The following ZGRF1 variants were observed in gnomAD, a reference collection of about 807,000 sequenced individuals.
The protein encoded by ZGRF1 is 5'-3' DNA helicase ZGRF1.
A neutral mutation model predicts 203.5 loss-of-function variants in ZGRF1; 196 were observed. That is an observed-to-expected ratio of 0.96 (90% confidence interval 0.86 to 1.08). The LOEUF (loss-of-function observed/expected upper bound fraction) is 1.08, where lower values mean the gene tolerates loss of function less well. Among genes scored for constraint, ZGRF1 ranks in the 50% least tolerant of loss-of-function variants. ZGRF1 has a pLI of 0.00. For missense variants in ZGRF1, 2,326 were observed against 2,416.3 expected (o/e 0.96, Z 0.78); for synonymous variants, 809 against 841.3 (o/e 0.96, Z 0.66).
At chr4:112,634,591 C>T (rs955628228) in intron 1 of ZGRF1, among the ~76,000 whole-genome samples, 15 of 151,570 alleles carry the variant, frequency 9.9e-5, no homozygotes, top group African/African-American at 3.6e-4. Context: ...GCAGAGGCTG[C>T]AGTGAGCCGA....
rs1741840823 is a variant in ZGRF1, at chr4:112,560,900, CTG to C, written c.4791_4792del (p.Ser1598ProfsTer9). The C allele has an allele frequency of 6.2e-7, 1 of 1,613,542 alleles. No homozygotes were observed. Among genetic ancestry groups the C allele is most frequent in the East Asian group, 2.2e-5 (1 of 44,824 alleles). On this transcript the variant is annotated frameshift_variant, in exon 19 of 28. Transcript: ENST00000505019. LOFTEE classifies it high-confidence loss of function. Reference sequence around the variant, plus strand: ...AGCTAACTTCAATGTTGCTCCTAGGCTGAGTAGTTCAAATTTTGTACTGACAT... The same window carrying C: ...AGCTAACTTCAATGTTGCTCCTAGGCAGTAGTTCAAATTTTGTACTGACAT...
At chr4:112,548,219 G>T in intron 23 of ZGRF1, 34 bp downstream of exon 23, 4 of 1,549,366 alleles carry the variant, frequency 2.6e-6, no homozygotes, top group Non-Finnish European at 3.5e-6. Context: ...AGGATTACAG[G>T]TATTACCCCT....
chr4:112,590,396 T>C (rs1175588515), intron 10 of ZGRF1, among the ~76,000 whole-genome samples: 6 of 152,218 alleles, frequency 3.9e-5, no homozygotes, highest in Admixed American at 3.3e-4. Context: ...CTGCTGCTTC[T>C]TCCAGAAATT....
chr4:112,554,256 T>A (rs557094164), intron 21 of ZGRF1, among the ~76,000 whole-genome samples: 1 of 134,856 alleles, frequency 7.4e-6, no homozygotes, highest in Admixed American at 8.8e-5. Context: ...CCTGTGTCCA[T>A]GTGTTCTCAT....
intron 16 of ZGRF1, among the ~76,000 whole-genome samples, 175 bp downstream of exon 16, chr4:112,581,486 AAT>A (rs1203831839): frequency 6.6e-6 from 1 of 151,352 alleles, no homozygotes; most frequent in East Asian, 1.9e-4. Context: ...ATATCTTAAA[AAT>A]ATGTTTTTTA....
Position 112,548,363 on chromosome 4 carries a change from A to G in ZGRF1, c.5364T>C (p.Val1788=). The G allele has an allele frequency of 6.4e-7, 1 of 1,554,414 alleles. No individual in the cohort carries two copies. Among genetic ancestry groups the G allele is most frequent in the South Asian group, 1.2e-5 (1 of 84,008 alleles). The part of the protein sequence containing the change: ...TLLKQVRVVG[V]TCAACPFPCM... The stretch of plus-strand genomic sequence containing the variant: ...ATGGGAATGGGCAGGCTGCACAGGT[A>G]ACTCCAACTACTCGAACCTTTATTA... The change falls in exon 23 of 28, where the codon GTT becomes GTC. Residue 1788 remains valine, a synonymous_variant. Transcript: ENST00000505019.
intron 21 of ZGRF1, 76 bp downstream of exon 21, chr4:112,554,629 C>A (rs1315855208): frequency 5.6e-6 from 4 of 714,422 alleles, no homozygotes. Context: ...AAAAATCAAA[C>A]TTAAGGTAAG....
intron 10 of ZGRF1, among the ~76,000 whole-genome samples, chr4:112,602,849 A>T (rs576803242): frequency 1.3e-5 from 2 of 152,226 alleles, no homozygotes; most frequent in African/African-American, 4.8e-5. Context: ...ATAGATGGTT[A>T]TAAGTCAAGA....
chr4:112,574,005 G>T (rs1439718936), intron 16 of ZGRF1, among the ~76,000 whole-genome samples: 2 of 152,160 alleles, frequency 1.3e-5, no homozygotes, highest in African/African-American at 4.8e-5. Flanking sequence ...TGATCCATAA[G>T]ATCTCTTATA....
At chr4:112,554,009 C>T (rs763857965) in intron 21 of ZGRF1, 27 bp from the exon 22 acceptor site, 81 of 1,566,642 alleles carry the variant, frequency 5.2e-5, no homozygotes, top group Non-Finnish European at 4.1e-5. Flanking sequence ...AAACACTCCT[C>T]TTTATTCCAT....
Position 112,584,135 on chromosome 4 carries a change from G to C in ZGRF1, c.4141C>G (p.Arg1381Gly), listed in dbSNP as rs200147168. Residue 1381 changes from arginine to glycine, a missense_variant, in exon 15 of 28, where the codon CGA (arginine) becomes GGA (glycine). By Grantham distance (125) the Arg-to-Gly change is moderately radical. Coordinates refer to ENST00000505019, the MANE Select transcript of ZGRF1 (RefSeq NM_018392.5). ...FYTCDGPKAD[R>G]CKFFKWLEDV... The stretch of plus-strand genomic sequence containing the variant: ...TCAAGCCATTTAAAGAATTTACATC[G>C]ATCAGCTTTGGGTCCATCACATGTA... 7.4e-6 allele frequency: 12 copies of C among 1,612,808 alleles called. No individual in the cohort carries two copies. In the South Asian group the frequency reaches 7.7e-5, roughly 10 times the overall value.
Position 112,540,099 on chromosome 4 carries a change from TC to T in ZGRF1, c.5935del (p.Asp1979ThrfsTer15). On this transcript the variant is annotated frameshift_variant, in exon 27 of 28. Coordinates refer to ENST00000505019, the MANE Select transcript of ZGRF1 (RefSeq NM_018392.5). LOFTEE classifies it high-confidence loss of function. ...AGTTTTAATATCAGGATGGTGAAAG[TC>T]CACAGCACTGAGTAAATGACAAAGC... ...YKLCHLLSAV[D>X]FHHPDIKTVQ... The T allele has an allele frequency of 6.3e-7, 1 of 1,583,974 alleles. No homozygotes were observed. Among genetic ancestry groups the T allele is most frequent in the Non-Finnish European group, 8.6e-7 (1 of 1,162,860 alleles).
chr4:112,605,852 TTAAA>T (rs539312747), intron 9 of ZGRF1, 152 bp downstream of exon 9: 12 of 605,378 alleles, frequency 2.0e-5, no homozygotes, highest in Non-Finnish European at 2.9e-5. Flanking sequence ...GCAGGAGTCA[TTAAA>T]TAGTTTTTCT....
At chr4:112,559,985 A>C (rs1741652110) in intron 19 of ZGRF1, among the ~76,000 whole-genome samples, 1 of 152,208 alleles carries the variant, frequency 6.6e-6, no homozygotes, top group African/African-American at 2.4e-5. Context: ...ATGAATAGTG[A>C]GAGAATATGA....
chr4:112,581,834 G>A (rs1746317194), intron 15 of ZGRF1, 32 bp from the exon 16 acceptor site: 2 of 1,139,994 alleles, frequency 1.8e-6, no homozygotes, highest in South Asian at 2.0e-5. Context: ...AAAATGAATT[G>A]TAATATTAAG....
intron 16 of ZGRF1, among the ~76,000 whole-genome samples, chr4:112,572,477 T>A (rs778249353): frequency 9.9e-5 from 15 of 152,128 alleles, no homozygotes; most frequent in Non-Finnish European, 2.2e-4. Flanking sequence ...CCTTCTGACT[T>A]TGGCTTAGGC....
Position 112,563,263 on chromosome 4 carries a change from C to A in ZGRF1, c.4450G>T (p.Val1484Leu), listed in dbSNP as rs906421580. The change falls in exon 17 of 28, where the codon GTG becomes TTG. Residue 1484 changes from valine (V) to leucine (L), a missense_variant. Physicochemically the swap from Val to Leu is conservative, Grantham distance 32. Coordinates refer to ENST00000505019, the MANE Select transcript of ZGRF1 (RefSeq NM_018392.5). Reference protein sequence around the residue: ...SSAYSKNDLWVVSKTLDFELD... With the variant: ...SSAYSKNDLWLVSKTLDFELD... ...TCAAAGTCTAGGGTTTTTGAAACCA[C>A]CCAAAGATCATCTGAAAAGACAAAC... 3 of 1,550,030 alleles carry A rather than the reference C, an allele frequency of 1.9e-6. No homozygotes were observed. Among genetic ancestry groups the A allele is most frequent in the Non-Finnish European group, 2.6e-6 (3 of 1,146,304 alleles).
chr4:112,568,448 C>T (rs1445917396), intron 16 of ZGRF1, among the ~76,000 whole-genome samples: 2 of 152,050 alleles, frequency 1.3e-5, no homozygotes, highest in Non-Finnish European at 2.9e-5. Context: ...TGGTGGCTCA[C>T]GCTTGTAATC....
At chr4:112,609,263 C>T (rs1209095670) in intron 8 of ZGRF1, 116 bp downstream of exon 8, 4 of 330,414 alleles carry the variant, frequency 1.2e-5, no homozygotes, top group Non-Finnish European at 2.4e-5. Context: ...CCATGTTAGC[C>T]AGGATGGTCT....
Sources: gnomAD v4.1 joint callset for allele counts (sites outside exome capture counted in the v4.1 genomes callset) on GRCh38, gnomAD v4.1.1 for gene constraint, MANE v1.5 for transcripts, NCBI Gene and HGNC (gene_info 2026-07-23, HGNC 2026-07-21) for gene names.